Variants in SGCZ observed in about 807,000 individuals in gnomAD.
The protein encoded by SGCZ is zeta-sarcoglycan.
Under a neutral mutation model 41.3 loss-of-function variants are expected in SGCZ, and 40 were observed. The observed-to-expected ratio is 0.97, with a 90% confidence interval of 0.75 to 1.26. The LOEUF (loss-of-function observed/expected upper bound fraction) is 1.26. SGCZ is among the 50% of genes most tolerant of loss of function. The pLI is 0.00. For missense variants in SGCZ, 552 were observed against 369.8 expected (o/e 1.49, Z -4.04); for synonymous variants, 206 against 137.5 (o/e 1.50, Z -3.49).
At chr8:14,247,296 A>G (rs536895967) in intron 3 of SGCZ, among the ~76,000 whole-genome samples, 1 of 152,128 alleles carries the variant, frequency 6.6e-6, no homozygotes, top group South Asian at 2.1e-4. Flanking sequence ...CTTTAAAGCT[A>G]TACAGTAATC....
chr8:14,726,961 G>A (rs1484438687), intron 1 of SGCZ, among the ~76,000 whole-genome samples: 1 of 151,916 alleles, frequency 6.6e-6, no homozygotes, highest in Non-Finnish European at 1.5e-5. Flanking sequence ...CTGATTAATT[G>A]AACTTTATCA....
intron 2 of SGCZ, among the ~76,000 whole-genome samples, chr8:14,362,561 T>C (rs1172696021): frequency 1.3e-5 from 2 of 152,252 alleles, no homozygotes; most frequent in Middle Eastern, 3.4e-3. Flanking sequence ...AAGCGCAGTA[T>C]GTAGGCAGAA....
intron 2 of SGCZ, among the ~76,000 whole-genome samples, chr8:14,444,085 A>C (rs1323752499): frequency 2.0e-5 from 3 of 152,224 alleles, no homozygotes; most frequent in Non-Finnish European, 4.4e-5. Context: ...TGGCCATCAG[A>C]GAAATGCAAA....
At chr8:14,314,753 T>C (rs1302100739) in intron 3 of SGCZ, among the ~76,000 whole-genome samples, 1 of 152,176 alleles carries the variant, frequency 6.6e-6, no homozygotes, top group African/African-American at 2.4e-5. Context: ...TGTATTTACA[T>C]ATTTTCCTCA....
At chr8:14,749,081 T>C (rs1045263095) in intron 1 of SGCZ, among the ~76,000 whole-genome samples, 5 of 152,188 alleles carry the variant, frequency 3.3e-5, no homozygotes, top group Admixed American at 2.6e-4. Context: ...GGTTAGCTCA[T>C]TAAGTGAATT....
intron 1 of SGCZ, among the ~76,000 whole-genome samples, chr8:14,992,617 G>C (rs113604420): frequency 4.4e-5 from 6 of 135,760 alleles, no homozygotes; most frequent in Non-Finnish European, 9.4e-5. Flanking sequence ...CCCAAAACCA[G>C]TGTTACCCTT....
At chr8:14,190,819 G>C (rs945516435) in intron 4 of SGCZ, among the ~76,000 whole-genome samples, 2 of 151,794 alleles carry the variant, frequency 1.3e-5, no homozygotes, top group African/African-American at 4.8e-5. Context: ...AGCCAGGATG[G>C]TCTCAATCTC....
chr8:14,306,529 T>A (rs1296534759), intron 3 of SGCZ, among the ~76,000 whole-genome samples: 3 of 152,172 alleles, frequency 2.0e-5, no homozygotes, highest in African/African-American at 7.2e-5. Context: ...GCAGGAGTAT[T>A]TTGATTCTAC....
chr8:14,970,805 T>C (rs566671118), intron 1 of SGCZ, among the ~76,000 whole-genome samples: 229 of 152,306 alleles, frequency 1.5e-3, no homozygotes, highest in Admixed American at 0.012. Flanking sequence ...CTATATGAAT[T>C]TGTGTTTGTC....
chr8:14,628,849 C>G (rs1806549670), intron 1 of SGCZ, among the ~76,000 whole-genome samples: 1 of 152,064 alleles, frequency 6.6e-6, no homozygotes, highest in African/African-American at 2.4e-5. Context: ...GCTACACAGC[C>G]TGGACCTTTT....
At chr8:14,128,714 C>G (rs941583758) in intron 5 of SGCZ, among the ~76,000 whole-genome samples, 1 of 151,380 alleles carries the variant, frequency 6.6e-6, no homozygotes, top group Non-Finnish European at 1.5e-5. Flanking sequence ...TGTATATATA[C>G]ATATACACAC....
At chr8:14,383,730 G>A (rs1344679285) in intron 2 of SGCZ, among the ~76,000 whole-genome samples, 1 of 151,838 alleles carries the variant, frequency 6.6e-6, no homozygotes, top group Non-Finnish European at 1.5e-5. Context: ...CATATTCAGC[G>A]GAAAATGGTC....
chr8:14,099,776 C>A (rs1381201196), intron 7 of SGCZ, among the ~76,000 whole-genome samples: 2 of 152,142 alleles, frequency 1.3e-5, no homozygotes, highest in Non-Finnish European at 2.9e-5. Context: ...GGTATATATG[C>A]TGTTATTGTA....
chr8:14,537,345 C>G (rs1461845), intron 2 of SGCZ, among the ~76,000 whole-genome samples: 1 of 151,676 alleles, frequency 6.6e-6, no homozygotes, highest in East Asian at 1.9e-4. Context: ...ATGACAACCA[C>G]ATTTCCACTC....
chr8:14,715,560 A>AC (rs1554486604), intron 1 of SGCZ, among the ~76,000 whole-genome samples: 2 of 151,414 alleles, frequency 1.3e-5, no homozygotes, highest in East Asian at 1.9e-4. Context: ...ACACACACAC[A>AC]AACATGCACA....
chr8:14,224,652 G>C lies in SGCZ; in HGVS notation c.424+12940C>G, dbSNP rs768347521. Among the ~76,000 whole-genome samples, 4 of 152,098 alleles carry C rather than the reference G, an allele frequency of 2.6e-5. No homozygotes were observed. The East Asian group carries it at 5.8e-4, about 22-fold the overall frequency. On this transcript the variant is annotated intron_variant, in intron 4 of 7. Coordinates refer to ENST00000382080, the MANE Select transcript of SGCZ (RefSeq NM_139167.4). ...AACAGTAAGTTCATATCTGTGGAAG[G>C]TCTGACACAGAAAAGCTTTTATTGT...
At chr8:14,633,983 C>A (rs1877017) in intron 1 of SGCZ, among the ~76,000 whole-genome samples, 1 of 151,502 alleles carries the variant, frequency 6.6e-6, no homozygotes, top group Admixed American at 6.6e-5. Context: ...TGGTTGAGAT[C>A]CAAGACTACC....
intron 5 of SGCZ, among the ~76,000 whole-genome samples, chr8:14,135,164 T>C (rs1184436560): frequency 6.6e-6 from 1 of 152,210 alleles, no homozygotes; most frequent in Non-Finnish European, 1.5e-5. Context: ...TCCTAGAATA[T>C]AATAGAGTAC....
At chr8:14,976,278 C>G (rs957403183) in intron 1 of SGCZ, among the ~76,000 whole-genome samples, 1 of 151,968 alleles carries the variant, frequency 6.6e-6, no homozygotes, top group Non-Finnish European at 1.5e-5. Context: ...CTGCCTTGGC[C>G]TCTCAAAGTG....
Sources: allele counts gnomAD v4.1 joint callset (sites outside exome capture counted in the v4.1 genomes callset), GRCh38; gene constraint gnomAD v4.1.1; transcripts MANE v1.5; gene names NCBI Gene and HGNC (gene_info 2026-07-23, HGNC 2026-07-21).